DIS3L2: variants seen among roughly 807,000 people sequenced by gnomAD.
DIS3L2 encodes DIS3 like 3'-5' exoribonuclease 2.
DIS3L2 carries 34 observed loss-of-function variants against 97.5 expected under a neutral mutation model. The ratio of observed to expected loss-of-function variants is 0.35; its 90% confidence interval spans 0.27 to 0.46. The LOEUF (loss-of-function observed/expected upper bound fraction) is 0.46. Among genes scored for constraint, DIS3L2 ranks in the 20% least tolerant of loss-of-function variants. DIS3L2 has a pLI of 1.00. For missense variants in DIS3L2, 1,038 were observed against 1,146.0 expected, an observed-to-expected ratio of 0.91 and a Z score of 1.36; for synonymous variants, 435 against 445.2, an observed-to-expected ratio of 0.98 and a Z score of 0.29.
chr2:232,073,669 A>G (rs1696101159), intron 5 of DIS3L2, among the ~76,000 whole-genome samples: 1 of 152,240 alleles, frequency 6.6e-6, no homozygotes, highest in Non-Finnish European at 1.5e-5. Flanking sequence ...GTGAGCCAGC[A>G]TAATGGAAAG....
intron 1 of DIS3L2, among the ~76,000 whole-genome samples, chr2:232,006,919 G>T (rs1282439239): frequency 6.6e-6 from 1 of 152,168 alleles, no homozygotes; most frequent in Non-Finnish European, 1.5e-5. Flanking sequence ...TTCTTTCTAG[G>T]AATACAGAAA....
At chr2:232,302,377 A>G (rs1033457197) in intron 14 of DIS3L2, among the ~76,000 whole-genome samples, 1 of 150,816 alleles carries the variant, frequency 6.6e-6, no homozygotes, top group Non-Finnish European at 1.5e-5. Context: ...CCTAGAACTT[A>G]AAGTATAATA....
chr2:232,166,074 A>G (rs1256459495), intron 9 of DIS3L2, among the ~76,000 whole-genome samples: 1 of 75,000 alleles, frequency 1.3e-5, no homozygotes, highest in African/African-American at 7.5e-5. Flanking sequence ...TGTCTCTACA[A>G]TAAATAAATA....
intron 3 of DIS3L2, among the ~76,000 whole-genome samples, chr2:232,017,645 C>T (rs1694395492): frequency 6.6e-6 from 1 of 152,190 alleles, no homozygotes; most frequent in Non-Finnish European, 1.5e-5. Flanking sequence ...GAACACTCTC[C>T]TCCATTCACC....
chr2:232,132,979 G>A (rs943768391), intron 7 of DIS3L2, among the ~76,000 whole-genome samples: 35 of 152,126 alleles, frequency 2.3e-4, no homozygotes, highest in Admixed American at 2.0e-3. Context: ...ACAGGCAAGA[G>A]AATTTTGCTT....
chr2:231,995,493 A>G (rs952287720), intron 1 of DIS3L2, among the ~76,000 whole-genome samples: 2 of 151,918 alleles, frequency 1.3e-5, no homozygotes, highest in Admixed American at 6.6e-5. Flanking sequence ...TTTCTCACTG[A>G]GATTGTTCCC....
rs963892478 is a variant in DIS3L2 at position 232,163,325 on chromosome 2, G to A, written c.951-134G>A. On this transcript the variant is annotated intron_variant, in intron 8 of 20. Coordinates refer to ENST00000325385, the MANE Select transcript of DIS3L2 (RefSeq NM_152383.5). Reference sequence around the variant, plus strand: ...TGCTTTCCCATTGCCAGTGATTTACGGATGATCATGTTTCTACTGGTGGAA... The same window carrying A: ...TGCTTTCCCATTGCCAGTGATTTACAGATGATCATGTTTCTACTGGTGGAA... 47 of 809,046 alleles carry A rather than the reference G, an allele frequency of 5.8e-5. 1 individual carries two copies. In the South Asian group the frequency reaches 5.9e-4, roughly 10 times the overall value. 50.1% of individuals were successfully genotyped at this position (809,046 alleles called of 1,614,324 possible).
At chr2:232,263,651 A>G (rs929408731) in intron 13 of DIS3L2, among the ~76,000 whole-genome samples, 4 of 152,138 alleles carry the variant, frequency 2.6e-5, no homozygotes, top group African/African-American at 9.7e-5. Context: ...ATTTTGTATG[A>G]TTCCACAGGT....
At chr2:232,277,318 TAGGCCAG>T (rs1257288114) in intron 13 of DIS3L2, among the ~76,000 whole-genome samples, 1 of 152,228 alleles carries the variant, frequency 6.6e-6, no homozygotes, top group East Asian at 1.9e-4. Flanking sequence ...TTTTGATAAC[TAGGCCAG>T]AGTGCATCAC....
At chr2:232,222,964 C>T (rs1391124802) in intron 10 of DIS3L2, among the ~76,000 whole-genome samples, 2 of 152,166 alleles carry the variant, frequency 1.3e-5, no homozygotes, top group African/African-American at 2.4e-5. Context: ...GCAGCTCCAC[C>T]CTCTAAGTCT....
intron 1 of DIS3L2, among the ~76,000 whole-genome samples, chr2:231,965,556 ATGTTT>A (rs1326997948): frequency 6.6e-6 from 1 of 152,056 alleles, no homozygotes; most frequent in Non-Finnish European, 1.5e-5. Flanking sequence ...CTCTTAAAAG[ATGTTT>A]TGTTGCTTTC....
intron 16 of DIS3L2, among the ~76,000 whole-genome samples, chr2:232,331,022 C>T (rs1217791030): frequency 6.6e-6 from 1 of 152,210 alleles, no homozygotes; most frequent in Admixed American, 6.5e-5. Flanking sequence ...CGCTCAAGGA[C>T]AGAGTGCCCT....
At chr2:232,102,896 A>T (rs1362858016) in intron 6 of DIS3L2, among the ~76,000 whole-genome samples, 1 of 152,176 alleles carries the variant, frequency 6.6e-6, no homozygotes, top group Non-Finnish European at 1.5e-5. Context: ...TCTAAAAATT[A>T]CTTTTATTCG....
At chr2:232,119,744 G>T (rs1559648679) in intron 6 of DIS3L2, among the ~76,000 whole-genome samples, 1 of 152,116 alleles carries the variant, frequency 6.6e-6, no homozygotes, top group Non-Finnish European at 1.5e-5. Context: ...ACCCTGTGAG[G>T]GACTCCAGTT....
At chr2:232,228,780 G>A (rs1692714405) in intron 10 of DIS3L2, among the ~76,000 whole-genome samples, 1 of 152,136 alleles carries the variant, frequency 6.6e-6, no homozygotes, top group Non-Finnish European at 1.5e-5. Context: ...TCTTTACCAA[G>A]TAACACACTT....
intron 8 of DIS3L2, among the ~76,000 whole-genome samples, chr2:232,159,325 T>C (rs1311434587): frequency 3.9e-5 from 6 of 152,244 alleles, no homozygotes; most frequent in African/African-American, 1.2e-4. Flanking sequence ...CACTGGATGC[T>C]GCTGCCACCG....
chr2:231,969,385 A>G (rs558125387), intron 1 of DIS3L2, among the ~76,000 whole-genome samples: 74 of 140,924 alleles, frequency 5.3e-4, no homozygotes, highest in African/African-American at 1.7e-3. Flanking sequence ...ATCTTGGCTC[A>G]CTGCAACCTC....
intron 6 of DIS3L2, among the ~76,000 whole-genome samples, chr2:232,125,781 G>A (rs1317624418): frequency 6.6e-6 from 1 of 152,142 alleles, no homozygotes; most frequent in Non-Finnish European, 1.5e-5. Context: ...ATAAGCACTC[G>A]TTAGCCCAGC....
chr2:232,211,685 A>G (rs1390145839), intron 10 of DIS3L2, among the ~76,000 whole-genome samples: 1 of 152,202 alleles, frequency 6.6e-6, no homozygotes, highest in African/African-American at 2.4e-5. Flanking sequence ...AAAGATGTTC[A>G]TATTTCCCAC....
Sources: allele counts gnomAD v4.1 joint callset (sites outside exome capture counted in the v4.1 genomes callset), GRCh38; gene constraint gnomAD v4.1.1; transcripts MANE v1.5; gene names NCBI Gene and HGNC (gene_info 2026-07-23, HGNC 2026-07-21).